Variants in CYB5R4 observed in about 807,000 individuals in gnomAD.
CYB5R4 encodes the protein N-terminal cytochrome b5 and cytochrome b5 oxidoreductase domain-containing protein.
Under a neutral mutation model 70.2 loss-of-function variants are expected in CYB5R4, and 55 were observed. The ratio of observed to expected loss-of-function variants is 0.78; its 90% CI spans 0.63 to 0.98. The LOEUF (loss-of-function observed/expected upper bound fraction) is 0.98. CYB5R4 is among the 50% of genes least tolerant of loss of function. The probability of loss-of-function intolerance (pLI) is 0.00; values close to 1 mark genes in which losing one functional copy is unlikely to be tolerated. For missense variants in CYB5R4, 562 were observed against 612.6 expected, an observed-to-expected ratio of 0.92 and a Z score of 0.87; for synonymous variants, 197 against 199.5, an observed-to-expected ratio of 0.99 and a Z score of 0.11.
intron 1 of CYB5R4, 75 bp downstream of exon 1, chr6:83,859,932 C>A: frequency 7.4e-7 from 1 of 1,359,116 alleles, no homozygotes; most frequent in Non-Finnish European, 1.0e-6. Flanking sequence ...TCTTCCGCCC[C>A]AACTCCCAGC....
At position 83,886,759 on chromosome 6, in the gene CYB5R4, A is replaced by G. The variant is rs569979633; in HGVS notation, c.230-6763A>G. 1.1e-4 allele frequency among the ~76,000 whole-genome samples: 16 copies of G among 152,330 alleles called. No individual in the cohort carries two copies. In the South Asian group the frequency reaches 2.3e-3, roughly 22 times the overall value. Reference sequence around the variant, plus strand: ...AAGAGTTACTCCCTTTTAAAGAACTAATGAGCTAGCAAGTCTTCTTTGTTT... The same window carrying G: ...AAGAGTTACTCCCTTTTAAAGAACTGATGAGCTAGCAAGTCTTCTTTGTTT... On this transcript the variant is annotated intron_variant, in intron 2 of 15. Coordinates refer to ENST00000369681, the MANE Select transcript of CYB5R4 (RefSeq NM_016230.4).
intron 3 of CYB5R4, among the ~76,000 whole-genome samples, chr6:83,902,050 T>C: frequency 6.6e-6 from 1 of 152,174 alleles, no homozygotes. Flanking sequence ...TGTCTATTTT[T>C]GTGTTGTCTG....
intron 3 of CYB5R4, among the ~76,000 whole-genome samples, chr6:83,902,746 T>G (rs1052202896): frequency 5.9e-5 from 9 of 152,116 alleles, no homozygotes; most frequent in Non-Finnish European, 1.2e-4. Context: ...CTTTCATCTC[T>G]TTGGTTAAAT....
At chr6:83,884,093 C>A (rs2099459889) in intron 2 of CYB5R4, among the ~76,000 whole-genome samples, 1 of 151,434 alleles carries the variant, frequency 6.6e-6, no homozygotes, top group African/African-American at 2.4e-5. Context: ...TAAAATCTCC[C>A]ATATTAATAA....
intron 3 of CYB5R4, among the ~76,000 whole-genome samples, chr6:83,895,372 A>G (rs1008183847): frequency 6.6e-6 from 1 of 151,894 alleles, no homozygotes; most frequent in Non-Finnish European, 1.5e-5. Flanking sequence ...CGCCACGTTG[A>G]CCAGGCTGGT....
At chr6:83,886,783 T>C (rs959595552) in intron 2 of CYB5R4, among the ~76,000 whole-genome samples, 5 of 152,216 alleles carry the variant, frequency 3.3e-5, no homozygotes, top group African/African-American at 9.6e-5. Context: ...TCTTCTTTGT[T>C]TTATTTTTAA....
intron 14 of CYB5R4, among the ~76,000 whole-genome samples, chr6:83,947,059 T>C (rs2099470731): frequency 6.6e-6 from 1 of 152,150 alleles, no homozygotes; most frequent in South Asian, 2.1e-4. Context: ...AAAACTATTT[T>C]AAATTTCATA....
intron 3 of CYB5R4, 24 bp downstream of exon 3, chr6:83,893,646 A>T (rs1190533716): frequency 7.4e-7 from 1 of 1,356,386 alleles, no homozygotes. Flanking sequence ...AAAGTAACCA[A>T]AGTATTCCGG....
intron 14 of CYB5R4, among the ~76,000 whole-genome samples, chr6:83,950,258 A>T (rs1322766479): frequency 6.6e-6 from 1 of 152,188 alleles, no homozygotes; most frequent in Non-Finnish European, 1.5e-5. Context: ...AGCAATTGGG[A>T]TTCAATTCAC....
chr6:83,903,043 CT>C (rs1375076999), intron 3 of CYB5R4, among the ~76,000 whole-genome samples: 1 of 152,100 alleles, frequency 6.6e-6, no homozygotes, highest in Non-Finnish European at 1.5e-5. Context: ...CTGTCTAGAA[CT>C]TCCAGTACTG....
At chr6:83,860,097 C>A (rs1033257840) in intron 1 of CYB5R4, among the ~76,000 whole-genome samples, 5 of 152,124 alleles carry the variant, frequency 3.3e-5, no homozygotes, top group Non-Finnish European at 1.5e-5. Flanking sequence ...TCTATCCGTT[C>A]CCTTCCTCCA....
rs750891052 is a variant in CYB5R4, at chr6:83,859,749, A to G, written c.-34A>G. ...GGAGGTGCTGTCCCGTCTGGCGGCG[A>G]TCCCCGGGCAGGGCCCGGGGCCGGG... On this transcript the variant is annotated 5_prime_UTR_variant, in exon 1 of 16. Coordinates refer to ENST00000369681, the MANE Select transcript of CYB5R4 (RefSeq NM_016230.4). The G allele has an allele frequency of 1.2e-6, 2 of 1,608,274 alleles. No individual in the cohort carries two copies. Among genetic ancestry groups the G allele is most frequent in the Admixed American group, 1.7e-5 (1 of 59,870 alleles).
intron 2 of CYB5R4, among the ~76,000 whole-genome samples, chr6:83,891,457 T>C (rs2099461104): frequency 6.6e-6 from 1 of 152,128 alleles, no homozygotes; most frequent in African/African-American, 2.4e-5. Context: ...CAGAAATACT[T>C]TTGAGAAGGA....
chr6:83,930,095 A>C (rs1031760781), intron 10 of CYB5R4, among the ~76,000 whole-genome samples: 2 of 152,236 alleles, frequency 1.3e-5, no homozygotes, highest in South Asian at 4.1e-4. Context: ...AATTTAAAAA[A>C]CAGTATATTA....
intron 2 of CYB5R4, among the ~76,000 whole-genome samples, chr6:83,875,900 A>G (rs999080288): frequency 1.3e-5 from 2 of 152,140 alleles, no homozygotes; most frequent in African/African-American, 4.8e-5. Flanking sequence ...CTTAACCACA[A>G]ACATCTAGAG....
At position 83,876,660 on chromosome 6, in the gene CYB5R4, T is replaced by G. The variant is rs551271156; in HGVS notation, c.229+12332T>G. Among the ~76,000 whole-genome samples the G allele has an allele frequency of 4.6e-5, 7 of 152,308 alleles. No homozygotes were observed. The South Asian group carries it at 1.4e-3, about 32-fold the overall frequency. ...CTTATGCTGTTGTTGTTATTCATTTTACTTCTATATAAGCTGAAAACCCCA... is the reference window on the plus strand; with the variant it reads ...CTTATGCTGTTGTTGTTATTCATTTGACTTCTATATAAGCTGAAAACCCCA... On this transcript the variant is annotated intron_variant, in intron 2 of 15. Transcript: ENST00000369681.
rs1223891517 is a variant in CYB5R4, at chr6:83,960,697, C to A, written c.*819C>A. On this transcript the variant is annotated 3_prime_UTR_variant, in exon 16 of 16. Transcript: ENST00000369681. ...CTTTGGAATGGGTTGAATTTTAATT[C>A]TTTAGTCCATCTAAATCAGCTGGAA... 2.6e-5 allele frequency: 4 copies of A among 152,184 alleles called. No individual in the cohort carries two copies. The highest frequency in any genetic ancestry group is 5.9e-5 in the Non-Finnish European group (4 of 68,032). The allele number at this position is 152,184 out of a possible 1,614,324, so 9.4% of individuals were successfully genotyped here.
intron 7 of CYB5R4, 143 bp from the exon 8 acceptor site, chr6:83,920,939 A>T (rs2099466276): frequency 1.8e-6 from 1 of 557,516 alleles, no homozygotes; most frequent in South Asian, 3.4e-5. Flanking sequence ...TGTAAGAGAA[A>T]AACAGAAGTC....
At chr6:83,951,696 A>G (rs1212719985) in intron 14 of CYB5R4, among the ~76,000 whole-genome samples, 1 of 152,142 alleles carries the variant, frequency 6.6e-6, no homozygotes, top group Non-Finnish European at 1.5e-5. Flanking sequence ...ATGGACATTT[A>G]GGTTGGTTCC....
Sources: gnomAD v4.1 joint callset for allele counts (sites outside exome capture counted in the v4.1 genomes callset) on GRCh38, gnomAD v4.1.1 for gene constraint, MANE v1.5 for transcripts, NCBI Gene and HGNC (gene_info 2026-07-23, HGNC 2026-07-21) for gene names.